Variants in AAMDC observed in about 807,000 individuals in gnomAD.
The protein encoded by AAMDC is adipogenesis associated Mth938 domain containing.
A neutral mutation model predicts 15.5 loss-of-function variants in AAMDC; 16 were observed. That is an observed-to-expected ratio of 1.03 (90% CI 0.70 to 1.57). The LOEUF (loss-of-function observed/expected upper bound fraction) is 1.57, where lower values mean the gene tolerates loss of function less well. Ranked by LOEUF, AAMDC falls within the 40% of genes most tolerant of loss-of-function variation. AAMDC has a pLI of 0.00. For synonymous variants in AAMDC, 51 were observed against 51.6 expected (o/e 0.99, Z 0.05); for missense variants, 141 against 144.9 (o/e 0.97, Z 0.14).
intron 5 of AAMDC, chr11:77,883,809 C>T (rs773446503): frequency 1.9e-6 from 3 of 1,610,118 alleles, no homozygotes; most frequent in Non-Finnish European, 2.5e-6. Context: ...ATTTCCCTTC[C>T]CACCCTGGTC....
chr11:77,872,076 T>C, intron 3 of AAMDC, 99 bp from the exon 4 acceptor site: 1 of 1,323,172 alleles, frequency 7.6e-7, no homozygotes, highest in East Asian at 2.6e-5. Context: ...GTGACGATTG[T>C]CACTGTCTAA....
At chr11:77,853,014 T>A (rs1330400313) in intron 2 of AAMDC, among the ~76,000 whole-genome samples, 1 of 152,198 alleles carries the variant, frequency 6.6e-6, no homozygotes, top group African/African-American at 2.4e-5. Context: ...CATGTACATT[T>A]TTTTTTGTAT....
intron 1 of AAMDC, among the ~76,000 whole-genome samples, chr11:77,824,190 G>A (rs1026333246): frequency 6.6e-6 from 1 of 152,118 alleles, no homozygotes; most frequent in Non-Finnish European, 1.5e-5. Flanking sequence ...TTGCTTTCCT[G>A]GGCTAAGAGA....
In AAMDC at chr11:77,897,309, C is replaced by T. The variant is rs910769028; in HGVS notation, c.329-3262C>T. ...AGGAGTTCAAGACTGGCCTGGACAA[C>T]GCAGTGAAACCATGTTTCTATTATT... On this transcript the variant is annotated intron_variant, in intron 5 of 5. Transcript: ENST00000304716. Among the ~76,000 whole-genome samples the T allele has an allele frequency of 1.9e-4, 28 of 150,384 alleles. 1 individual carries two copies. Among genetic ancestry groups the T allele is most frequent in the Admixed American group, 2.0e-4 (3 of 15,114 alleles).
chr11:77,899,440 G>A (rs1316656149), intron 5 of AAMDC, among the ~76,000 whole-genome samples: 1 of 152,144 alleles, frequency 6.6e-6, no homozygotes, highest in Non-Finnish European at 1.5e-5. Flanking sequence ...GGGAGGCCGA[G>A]TCGGGTGGAT....
At chr11:77,865,167 C>T (rs893113066) in intron 2 of AAMDC, among the ~76,000 whole-genome samples, 2 of 152,084 alleles carry the variant, frequency 1.3e-5, no homozygotes, top group African/African-American at 4.8e-5. Context: ...ACATGATTTG[C>T]CTAACTAGTC....
At chr11:77,876,254 A>G (rs1951591387), downstream of AAMDC, among the ~76,000 whole-genome samples, 1 of 152,122 alleles carries the variant, frequency 6.6e-6, no homozygotes, top group Non-Finnish European at 1.5e-5. Flanking sequence ...CCTGTGATGA[A>G]AGTCACCTGG....
At chr11:77,823,309 A>G (rs7937983) in intron 1 of AAMDC, among the ~76,000 whole-genome samples, 26,863 of 151,992 alleles carry the variant, frequency 0.18, 2,976 homozygotes, top group African/African-American at 0.29. Context: ...TTAATTTAAT[A>G]AGTCGGAAAA....
At chr11:77,823,029 C>T (rs1948992601) in intron 1 of AAMDC, among the ~76,000 whole-genome samples, 2 of 151,876 alleles carry the variant, frequency 1.3e-5, no homozygotes, top group Non-Finnish European at 2.9e-5. Flanking sequence ...TCCTGGCTAA[C>T]GCGGTGAAAC....
intron 2 of AAMDC, among the ~76,000 whole-genome samples, chr11:77,862,585 G>T (rs1430721159): frequency 1.3e-5 from 2 of 152,150 alleles, no homozygotes; most frequent in South Asian, 2.1e-4. Context: ...GGTTGAAGGG[G>T]TGTCCTTATT....
At chr11:77,834,858 C>T (rs181189339) in intron 1 of AAMDC, among the ~76,000 whole-genome samples, 3 of 152,224 alleles carry the variant, frequency 2.0e-5, no homozygotes, top group Non-Finnish European at 4.4e-5. Flanking sequence ...TTTCAAATCT[C>T]ACCTTTACCA....
chr11:77,895,527 GAAAAAAAAAAAAAAAAAA>G (rs71046921), intron 5 of AAMDC, among the ~76,000 whole-genome samples: 90 of 39,272 alleles, frequency 2.3e-3, no homozygotes, highest in African/African-American at 7.1e-3. Context: ...TTCTTTTCCT[GAAAAAAAAAAAAAAAAAA>G]AAAAAAAAAA....
intron 2 of AAMDC, chr11:77,851,343 T>G (rs1950374400): frequency 6.6e-6 from 1 of 152,230 alleles, no homozygotes; most frequent in African/African-American, 2.4e-5. Flanking sequence ...CTCAGAGAAT[T>G]GTACAATTGA....
At chr11:77,854,443 C>T (rs1950529041) in intron 2 of AAMDC, among the ~76,000 whole-genome samples, 1 of 152,208 alleles carries the variant, frequency 6.6e-6, no homozygotes, top group Non-Finnish European at 1.5e-5. Flanking sequence ...TAGGCATTGG[C>T]TAAATACTTC....
chr11:77,833,640 A>G (rs1310570295), intron 1 of AAMDC, among the ~76,000 whole-genome samples: 1 of 152,190 alleles, frequency 6.6e-6, no homozygotes, highest in East Asian at 1.9e-4. Context: ...CTCCTGCTCT[A>G]TGAATCTTCT....
At chr11:77,835,925 T>C (rs561527109) in intron 1 of AAMDC, among the ~76,000 whole-genome samples, 2 of 151,258 alleles carry the variant, frequency 1.3e-5, no homozygotes, top group African/African-American at 4.9e-5. Context: ...AAAAAAAAAA[T>C]AATAATAAAA....
At chr11:77,872,355 C>T, downstream of AAMDC, 1 of 1,572,144 alleles carries the variant, frequency 6.4e-7, no homozygotes, top group South Asian at 1.2e-5. Context: ...AGTGCCTATG[C>T]CTGTGACTGT....
chr11:77,874,128 T>C (rs1731599946), downstream of AAMDC, among the ~76,000 whole-genome samples: 2 of 152,210 alleles, frequency 1.3e-5, no homozygotes, highest in East Asian at 1.9e-4. Context: ...CCCAGCACTG[T>C]GTCTTTATCA....
At chr11:77,881,911 GT>G (rs951135442) in intron 5 of AAMDC, among the ~76,000 whole-genome samples, 114 of 144,980 alleles carry the variant, frequency 7.9e-4, no homozygotes, top group Admixed American at 1.2e-3. Context: ...GTTTCTGATG[GT>G]TTTTTTTTTT....
Sources: gnomAD v4.1 joint callset for allele counts (sites outside exome capture counted in the v4.1 genomes callset) on GRCh38, gnomAD v4.1.1 for gene constraint, MANE v1.5 for transcripts, NCBI Gene and HGNC (gene_info 2026-07-23, HGNC 2026-07-21) for gene names.